The following PINX1 variants were observed in gnomAD, a reference collection of about 807,000 sequenced individuals.
The protein encoded by PINX1 is PIN2/TERF1-interacting telomerase inhibitor 1.
In PINX1, 34 loss-of-function variants were observed where a neutral mutation model predicts 25.4. The observed-to-expected ratio is 1.34, with a 90% CI of 1.02 to 1.78. The LOEUF (loss-of-function observed/expected upper bound fraction) is 1.78, where lower values mean the gene tolerates loss of function less well. PINX1 is among the 40% of genes most tolerant of loss of function. The pLI is 0.00. For synonymous variants in PINX1, 197 were observed against 147.7 expected (o/e 1.33, Z -2.42); for missense variants, 592 against 404.9 (o/e 1.46, Z -3.97).
At chr8:10,789,631 C>T (rs1233951656) in intron 6 of PINX1, among the ~76,000 whole-genome samples, 1 of 152,168 alleles carries the variant, frequency 6.6e-6, no homozygotes, top group African/African-American at 2.4e-5. Flanking sequence ...AGCACAGGGA[C>T]CATAAACAAC....
At chr8:10,769,233 A>G (rs1283718401) in intron 6 of PINX1, among the ~76,000 whole-genome samples, 1 of 152,176 alleles carries the variant, frequency 6.6e-6, no homozygotes, top group Non-Finnish European at 1.5e-5. Context: ...GTTCAGCTAA[A>G]GGAGGTTTTT....
rs1486998316 is a variant in PINX1 at position 10,834,751 on chromosome 8, A to C, written c.44T>G (p.Val15Gly). 6.2e-7 allele frequency: 1 copy of C among 1,613,798 alleles called. No individual in the cohort carries two copies. Among genetic ancestry groups the C allele is most frequent in the Non-Finnish European group, 8.5e-7 (1 of 1,179,800 alleles). The change falls in exon 2 of 7, where the codon GTG becomes GGG. Residue 15 changes from valine to glycine, a missense_variant. Val to Gly is a moderately radical substitution (Grantham distance 109). Transcript: ENST00000314787. ...AERRRKQKWAVDPQNTAWSND... is the reference protein window; with the variant it reads ...AERRRKQKWAGDPQNTAWSND... ...ACTCCAGGCAGTGTTCTGAGGATCC[A>C]CAGCCCACTTCTGCTTCCGCCGACC...
intron 6 of PINX1, among the ~76,000 whole-genome samples, chr8:10,798,977 T>C (rs1391039049): frequency 6.6e-6 from 1 of 152,214 alleles, no homozygotes; most frequent in Admixed American, 6.5e-5. Flanking sequence ...CAGCAATGAT[T>C]TGATATTAGA....
intron 4 of PINX1, among the ~76,000 whole-genome samples, chr8:10,826,971 G>A (rs1586203408): frequency 6.6e-6 from 1 of 152,112 alleles, no homozygotes; most frequent in Non-Finnish European, 1.5e-5. Context: ...AGAACCATCC[G>A]CCCATGTACA....
chr8:10,812,347 C>T lies in PINX1; in HGVS notation c.471+7846G>A, dbSNP rs140480460. Among the ~76,000 whole-genome samples the T allele has an allele frequency of 2.0e-5, 3 of 152,326 alleles. No homozygotes were observed. The East Asian group carries it at 5.8e-4, about 29-fold the overall frequency. ...TCAAGTCAAGACTTAAACCTTCCAG[C>T]ACCGTTTCAAATGTGATCATTTCAC... On this transcript the variant is annotated intron_variant, in intron 6 of 6. Coordinates refer to ENST00000314787, the MANE Select transcript of PINX1 (RefSeq NM_017884.6).
In PINX1 at chr8:10,803,975, T is replaced by C. The variant is rs1049430573; in HGVS notation, c.471+16218A>G. ...TGATTCCCATGAGTATTAAAGAAGTTCAAATTAGCTATCATTTTAACTATA... is the reference window on the plus strand; with the variant it reads ...TGATTCCCATGAGTATTAAAGAAGTCCAAATTAGCTATCATTTTAACTATA... On this transcript the variant is annotated intron_variant, in intron 6 of 6. Coordinates refer to ENST00000314787, the MANE Select transcript of PINX1 (RefSeq NM_017884.6). 3.3e-5 allele frequency among the ~76,000 whole-genome samples: 5 copies of C among 151,928 alleles called. No individual in the cohort carries two copies. In the South Asian group the frequency reaches 1.0e-3, roughly 32 times the overall value.
intron 6 of PINX1, chr8:10,787,464 A>T: frequency 1.7e-5 from 3 of 177,612 alleles, no homozygotes; most frequent in Non-Finnish European, 3.5e-5. Flanking sequence ...CCTGGGCTCA[A>T]GCAATCCCGC....
intron 6 of PINX1, among the ~76,000 whole-genome samples, chr8:10,774,833 A>C (rs974566601): frequency 1.3e-5 from 2 of 152,148 alleles, no homozygotes; most frequent in South Asian, 2.1e-4. Flanking sequence ...TTTTAGGAGT[A>C]AATTTGGCAA....
chr8:10,788,941 C>G (rs113128545), intron 6 of PINX1, among the ~76,000 whole-genome samples: 16 of 130,290 alleles, frequency 1.2e-4, no homozygotes, highest in Non-Finnish European at 2.4e-4. Context: ...CTGGTCCTAA[C>G]AGGAATATTA....
At chr8:10,803,714 G>A (rs1802344063) in intron 6 of PINX1, among the ~76,000 whole-genome samples, 2 of 152,174 alleles carry the variant, frequency 1.3e-5, no homozygotes, top group Non-Finnish European at 2.9e-5. Context: ...GAGCACACAA[G>A]GTCTGCTTGT....
At chr8:10,839,653 G>A in intron 1 of PINX1, 85 bp downstream of exon 1, 1 of 1,406,550 alleles carries the variant, frequency 7.1e-7, no homozygotes, top group Non-Finnish European at 9.8e-7. Context: ...GGCAACCCGA[G>A]CTCCCAGCCA....
At position 10,800,470 on chromosome 8, in the gene PINX1, C is replaced by CTTTT. The variant is rs35149115; in HGVS notation, c.471+19719_471+19722dup. Among the ~76,000 whole-genome samples, 28 of 143,292 alleles carry CTTTT rather than the reference C, an allele frequency of 2.0e-4. No individual in the cohort carries two copies. The South Asian group carries it at 2.0e-3, about 10-fold the overall frequency. 94.0% of individuals were successfully genotyped at this position (143,292 alleles called of 152,430 possible). On this transcript the variant is annotated intron_variant, in intron 6 of 6. Coordinates refer to ENST00000314787, the MANE Select transcript of PINX1 (RefSeq NM_017884.6). ...TTTACATGATCTGACTGAGAATAAA[C>CTTTT]TTTTTTTTTTTTTTTTTGAGAGCAA...
chr8:10,822,521 G>C (rs745374777), intron 5 of PINX1, among the ~76,000 whole-genome samples: 2 of 152,180 alleles, frequency 1.3e-5, no homozygotes, highest in African/African-American at 2.4e-5. Flanking sequence ...AGGATGAGCA[G>C]GTACTTTCAA....
intron 6 of PINX1, among the ~76,000 whole-genome samples, chr8:10,819,305 G>A (rs1404566123): frequency 2.0e-5 from 3 of 152,154 alleles, no homozygotes; most frequent in Non-Finnish European, 4.4e-5. Context: ...ATTTCTGTCA[G>A]TCTGGAAAAA....
intron 5 of PINX1, among the ~76,000 whole-genome samples, chr8:10,822,961 C>G (rs73208792): frequency 1.3e-5 from 2 of 152,048 alleles, no homozygotes; most frequent in African/African-American, 2.4e-5. Flanking sequence ...TTATTTTTAT[C>G]TTTTTAAATG....
chr8:10,828,499 C>T (rs927812693), intron 4 of PINX1, among the ~76,000 whole-genome samples: 3 of 152,090 alleles, frequency 2.0e-5, no homozygotes, highest in East Asian at 3.9e-4. Flanking sequence ...CAGGAAGCCC[C>T]CGCGATGGGA....
At chr8:10,822,589 G>T (rs1186743092) in intron 5 of PINX1, among the ~76,000 whole-genome samples, 1 of 152,310 alleles carries the variant, frequency 6.6e-6, no homozygotes, top group Middle Eastern at 3.4e-3. Context: ...ATGATTATCA[G>T]TTTCCCAGTC....
At chr8:10,820,866 T>G (rs924034713) in intron 5 of PINX1, among the ~76,000 whole-genome samples, 10 of 152,240 alleles carry the variant, frequency 6.6e-5, no homozygotes, top group Admixed American at 3.9e-4. Flanking sequence ...AAATGTTCTT[T>G]ACTGCTCTAG....
chr8:10,790,552 A>G (rs902554987), intron 6 of PINX1, among the ~76,000 whole-genome samples: 5 of 152,192 alleles, frequency 3.3e-5, no homozygotes, highest in Admixed American at 2.6e-4. Context: ...CGGAGCCTCA[A>G]CTGGTCCATA....
Sources: allele counts gnomAD v4.1 joint callset (sites outside exome capture counted in the v4.1 genomes callset), GRCh38; gene constraint gnomAD v4.1.1; transcripts MANE v1.5; gene names NCBI Gene and HGNC (gene_info 2026-07-23, HGNC 2026-07-21).